ACACA: variants seen among roughly 807,000 people sequenced by gnomAD.
ACACA encodes the protein acetyl-CoA carboxylase alpha, also known as acetyl-CoA carboxylase 1.
In ACACA, 103 loss-of-function variants were observed where a neutral mutation model predicts 296.1. That is an observed-to-expected ratio of 0.35 (90% confidence interval 0.30 to 0.41). The LOEUF (loss-of-function observed/expected upper bound fraction) is 0.41, where lower values mean the gene tolerates loss of function less well. Among genes scored for constraint, ACACA ranks in the 10% least tolerant of loss-of-function variants. ACACA has a pLI of 1.00. For synonymous variants in ACACA, 953 were observed against 1,038.6 expected (o/e 0.92, Z 1.58); for missense variants, 1,554 against 2,989.7 (o/e 0.52, Z 11.20).
intron 54 of ACACA, among the ~76,000 whole-genome samples, chr17:37,089,648 C>A (rs1235329601): frequency 6.6e-6 from 1 of 152,122 alleles, no homozygotes; most frequent in African/African-American, 2.4e-5. Flanking sequence ...CAGGGTACAG[C>A]CACCAGGTCA....
intron 41 of ACACA, among the ~76,000 whole-genome samples, chr17:37,162,274 C>A (rs1359715427): frequency 6.6e-6 from 1 of 152,186 alleles, no homozygotes; most frequent in Admixed American, 6.5e-5. Context: ...TGTCTCAATT[C>A]CTTCTTTGGG....
At chr17:37,256,902 T>C (rs1358910957) in intron 14 of ACACA, among the ~76,000 whole-genome samples, 1 of 151,908 alleles carries the variant, frequency 6.6e-6, no homozygotes, top group Non-Finnish European at 1.5e-5. Context: ...AGTACAAAGG[T>C]AAAGGGAATG....
chr17:37,152,914 T>A (rs986219021), intron 43 of ACACA, among the ~76,000 whole-genome samples: 1 of 152,222 alleles, frequency 6.6e-6, no homozygotes, highest in African/African-American at 2.4e-5. Flanking sequence ...TTGCCCTTGC[T>A]GTTGGTCTGT....
chr17:37,199,344 T>A (rs1293035218), intron 35 of ACACA, among the ~76,000 whole-genome samples: 2 of 152,214 alleles, frequency 1.3e-5, no homozygotes, highest in East Asian at 3.8e-4. Context: ...TTGATTATAA[T>A]CAGTCATTTT....
chr17:37,330,436 A>G lies in ACACA; in HGVS notation c.86-11T>C. ...AATGAGCTCTTACAGCTATGGAGAA[A>G]ATGAAAAGTGAGAAAGGCAGGTTAT... On this transcript the variant is annotated splice_polypyrimidine_tract_variant and intron_variant, in intron 2 of 55. Coordinates refer to ENST00000616317, the MANE Select transcript of ACACA (RefSeq NM_198834.3). 6.2e-7 allele frequency: 1 copy of G among 1,614,140 alleles called. No homozygotes were observed. The highest frequency in any genetic ancestry group is 8.5e-7 in the Non-Finnish European group (1 of 1,180,028).
At chr17:37,155,356 A>C (rs1412889880) in intron 43 of ACACA, among the ~76,000 whole-genome samples, 1 of 152,210 alleles carries the variant, frequency 6.6e-6, no homozygotes, top group Non-Finnish European at 1.5e-5. Context: ...GAAAAAAGAT[A>C]TGTCTATAGA....
chr17:37,277,109 C>T lies in ACACA; in HGVS notation c.726G>A (p.Val242=). 1.2e-6 allele frequency: 2 copies of T among 1,613,678 alleles called. No individual in the cohort carries two copies. The highest frequency in any genetic ancestry group is 1.7e-6 in the Non-Finnish European group (2 of 1,179,558). Reference sequence around the variant, plus strand: ...CAGAAGCATGACCCCAGCCAGCCCACACTGCCTGCAAGGGAATACAATATA... The same window carrying T: ...CAGAAGCATGACCCCAGCCAGCCCATACTGCCTGCAAGGGAATACAATATA... ...DIAKRIPVQA[V]WAGWGHASEN... is the part of the protein sequence containing the mutation. Residue 242 remains valine, a synonymous_variant, in exon 7 of 56, where the codon GTG becomes GTA. Coordinates refer to ENST00000616317, the MANE Select transcript of ACACA (RefSeq NM_198834.3).
At chr17:37,370,288 G>C (rs1386915599) in intron 1 of ACACA, among the ~76,000 whole-genome samples, 1 of 151,882 alleles carries the variant, frequency 6.6e-6, no homozygotes, top group Non-Finnish European at 1.5e-5. Flanking sequence ...ATACAGGTGT[G>C]AGCCACAGTG....
chr17:37,219,329 C>A (rs558056234), intron 29 of ACACA, among the ~76,000 whole-genome samples: 19 of 152,140 alleles, frequency 1.2e-4, no homozygotes, highest in Non-Finnish European at 2.6e-4. Flanking sequence ...CCACACTTCA[C>A]CCTAAGCGTC....
chr17:37,309,698 G>A (rs2084042872), intron 3 of ACACA, among the ~76,000 whole-genome samples: 1 of 152,076 alleles, frequency 6.6e-6, no homozygotes, highest in South Asian at 2.1e-4. Flanking sequence ...TTGAAGCCCT[G>A]TCAGCAAATG....
At chr17:37,149,003 C>T (rs1447512047) in intron 45 of ACACA, among the ~76,000 whole-genome samples, 4 of 152,180 alleles carry the variant, frequency 2.6e-5, no homozygotes, top group Non-Finnish European at 5.9e-5. Flanking sequence ...CAGAATATTC[C>T]ATTATACTTT....
chr17:37,216,125 AACACACACACACAC>A (rs745794412), intron 29 of ACACA, among the ~76,000 whole-genome samples: 33 of 124,548 alleles, frequency 2.6e-4, no homozygotes, highest in Non-Finnish European at 1.8e-4. Context: ...TAAAAAAGGA[AACACACACACACAC>A]ACACACACAC....
chr17:37,130,600 A>C (rs1265372565), intron 45 of ACACA, among the ~76,000 whole-genome samples: 2 of 152,070 alleles, frequency 1.3e-5, no homozygotes, highest in East Asian at 1.9e-4. Flanking sequence ...TAAAAAAAAA[A>C]CAAAAAATAC....
chr17:37,102,292 C>T (rs1395489883), intron 52 of ACACA, among the ~76,000 whole-genome samples: 1 of 149,294 alleles, frequency 6.7e-6, no homozygotes, highest in Admixed American at 6.8e-5. Flanking sequence ...GCAACCTCTG[C>T]CCCCTGAGTT....
At chr17:37,195,455 A>G (rs551393740) in intron 35 of ACACA, among the ~76,000 whole-genome samples, 1 of 152,288 alleles carries the variant, frequency 6.6e-6, no homozygotes, top group South Asian at 2.1e-4. Context: ...GGCAATGACT[A>G]CCAATTAGAA....
intron 10 of ACACA, 84 bp from the exon 11 acceptor site, chr17:37,263,978 C>T (rs2081631626): frequency 9.1e-7 from 1 of 1,104,700 alleles, no homozygotes; most frequent in Non-Finnish European, 1.3e-6. Flanking sequence ...TTGATTTCAA[C>T]AAGCAGATGT....
intron 49 of ACACA, 25 bp downstream of exon 49, chr17:37,122,506 C>T: frequency 6.3e-7 from 1 of 1,589,110 alleles, no homozygotes; most frequent in Non-Finnish European, 8.6e-7. Context: ...CAAGCACAGC[C>T]CCCAGTGTAC....
At chr17:37,205,675 G>C (rs2078465758) in intron 33 of ACACA, 90 bp downstream of exon 33, 1 of 1,011,562 alleles carries the variant, frequency 9.9e-7, no homozygotes, top group Admixed American at 1.7e-5. Flanking sequence ...AAAAGACATA[G>C]CCATAAACTA....
intron 41 of ACACA, among the ~76,000 whole-genome samples, chr17:37,167,671 A>T (rs1231831342): frequency 1.3e-5 from 2 of 151,332 alleles, no homozygotes; most frequent in Admixed American, 1.3e-4. Context: ...TTCCTTAATT[A>T]AAAAGATATT....
Sources: gnomAD v4.1 joint callset for allele counts (sites outside exome capture counted in the v4.1 genomes callset) on GRCh38, gnomAD v4.1.1 for gene constraint, MANE v1.5 for transcripts, NCBI Gene and HGNC (gene_info 2026-07-23, HGNC 2026-07-21) for gene names.